The following BMAL1 variants were observed in gnomAD, a reference collection of about 807,000 sequenced individuals.
BMAL1 encodes the protein basic helix-loop-helix ARNT like 1, also known as basic helix-loop-helix ARNT-like protein 1.
At chr11:13,309,705 C>T in the BMAL1 span, among the ~76,000 whole-genome samples, 1 of 152,126 alleles carries the variant, frequency 6.6e-6, no homozygotes, top group African/African-American at 2.4e-5. Context: ...AGCCTACAGT[C>T]TAGAGAAACC....
chr11:13,351,291 G>A, the BMAL1 span, among the ~76,000 whole-genome samples: 1 of 152,176 alleles, frequency 6.6e-6, no homozygotes, highest in Non-Finnish European at 1.5e-5. Context: ...ATTGAATGCG[G>A]GTTGTGAAAG....
At chr11:13,344,606 G>T in the BMAL1 span, among the ~76,000 whole-genome samples, 1 of 152,168 alleles carries the variant, frequency 6.6e-6, no homozygotes, top group South Asian at 2.1e-4. Context: ...GTTACCTTAG[G>T]TTCAGGGCAT....
chr11:13,289,103 C>G, the BMAL1 span, among the ~76,000 whole-genome samples: 3 of 152,188 alleles, frequency 2.0e-5, no homozygotes, highest in African/African-American at 7.2e-5. Context: ...ATCTGTGGAA[C>G]AGGTATAACA....
chr11:13,292,494 C>T, the BMAL1 span, among the ~76,000 whole-genome samples: 1 of 151,714 alleles, frequency 6.6e-6, no homozygotes, highest in Non-Finnish European at 1.5e-5. Flanking sequence ...TTGCAGTGAG[C>T]CGAGATCGCG....
chr11:13,314,954 A>G, the BMAL1 span, among the ~76,000 whole-genome samples: 1 of 152,194 alleles, frequency 6.6e-6, no homozygotes, highest in African/African-American at 2.4e-5. Context: ...CACCTAGCCA[A>G]TAGCATATAA....
At chr11:13,349,791 C>T in the BMAL1 span, among the ~76,000 whole-genome samples, 1 of 152,106 alleles carries the variant, frequency 6.6e-6, no homozygotes, top group Non-Finnish European at 1.5e-5. Flanking sequence ...GTGGTGAGTG[C>T]CGGTAGAGTG....
the BMAL1 span, among the ~76,000 whole-genome samples, chr11:13,285,895 G>T: frequency 6.6e-6 from 1 of 152,096 alleles, no homozygotes; most frequent in Non-Finnish European, 1.5e-5. Flanking sequence ...GGTTTGAAGG[G>T]TTTTCTTATA....
the BMAL1 span, chr11:13,356,989 A>G: frequency 6.2e-7 from 1 of 1,610,908 alleles, no homozygotes; most frequent in Admixed American, 1.7e-5. Context: ...GAAAACAGCA[A>G]TGTGTAACTT....
the BMAL1 span, among the ~76,000 whole-genome samples, chr11:13,310,545 G>C: frequency 1.3e-5 from 2 of 152,184 alleles, no homozygotes; most frequent in Non-Finnish European, 2.9e-5. Context: ...TTTTTCTGTA[G>C]AGGACCAGAT....
chr11:13,338,900 G>A, the BMAL1 span, among the ~76,000 whole-genome samples: 26 of 152,248 alleles, frequency 1.7e-4, no homozygotes, highest in African/African-American at 5.8e-4. Flanking sequence ...AGTTGTGGGG[G>A]TGGCAGGTGA....
chr11:13,291,823 A>AATACTCTGTATGATACAGT, the BMAL1 span, among the ~76,000 whole-genome samples: 1 of 152,198 alleles, frequency 6.6e-6, no homozygotes, highest in Non-Finnish European at 1.5e-5. Context: ...TATGATACAG[A>AATACTCTGTATGATACAGT]ATACTCACAT....
At chr11:13,279,751 G>C in the BMAL1 span, among the ~76,000 whole-genome samples, 3 of 152,196 alleles carry the variant, frequency 2.0e-5, no homozygotes, top group Admixed American at 6.5e-5. Flanking sequence ...AAATTTCCTG[G>C]ACAGGATTTG....
At chr11:13,360,187 A>T in the BMAL1 span, among the ~76,000 whole-genome samples, 1 of 152,226 alleles carries the variant, frequency 6.6e-6, no homozygotes, top group African/African-American at 2.4e-5. Flanking sequence ...TTCTGTCCAA[A>T]GCCAGATCTA....
the BMAL1 span, chr11:13,365,617 G>A: frequency 1.3e-6 from 2 of 1,594,302 alleles, no homozygotes; most frequent in Non-Finnish European, 1.7e-6. Flanking sequence ...CCTGTTGATG[G>A]TGGGCAGCCT....
At chr11:13,284,230 G>GTATATATATATATA in the BMAL1 span, among the ~76,000 whole-genome samples, 6 of 20,654 alleles carry the variant, frequency 2.9e-4, no homozygotes, top group East Asian at 1.6e-3. Flanking sequence ...ATATATATGT[G>GTATATATATATATA]TGTGTATATA....
chr11:13,334,836 T>G, the BMAL1 span, among the ~76,000 whole-genome samples: 1 of 152,236 alleles, frequency 6.6e-6, no homozygotes, highest in Non-Finnish European at 1.5e-5. Flanking sequence ...AGATGGCCCA[T>G]GACTTCATCC....
At chr11:13,350,544 A>G in the BMAL1 span, among the ~76,000 whole-genome samples, 2 of 152,248 alleles carry the variant, frequency 1.3e-5, no homozygotes, top group African/African-American at 4.8e-5. Flanking sequence ...TAGTACTGTG[A>G]TGGAAATAAC....
the BMAL1 span, chr11:13,376,784 A>C: frequency 1.3e-6 from 2 of 1,534,128 alleles, no homozygotes; most frequent in Non-Finnish European, 1.8e-6. Context: ...GCTTGTGGTC[A>C]AATATCCTCC....
At chr11:13,369,787 T>C in the BMAL1 span, 50 of 1,603,866 alleles carry the variant, frequency 3.1e-5, no homozygotes, top group African/African-American at 5.9e-4. Context: ...TAACAGTCCA[T>C]TAAAACCCTG....
Sources: allele counts gnomAD v4.1 joint callset (sites outside exome capture counted in the v4.1 genomes callset), GRCh38; gene constraint gnomAD v4.1.1; transcripts MANE v1.5; gene names NCBI Gene and HGNC (gene_info 2026-07-23, HGNC 2026-07-21).